The following RSPO4 variants were observed in gnomAD, a reference collection of about 807,000 sequenced individuals.
RSPO4 encodes the protein R-spondin 4.
In RSPO4, 23 loss-of-function variants were observed where a neutral mutation model predicts 24.8. That is an observed-to-expected ratio of 0.93 (90% CI 0.67 to 1.31). RSPO4 has a LOEUF of 1.31. RSPO4 is among the 40% of genes most tolerant of loss of function. The pLI is 0.00. For missense variants in RSPO4, 333 were observed against 316.5 expected, an observed-to-expected ratio of 1.05 and a Z score of -0.39; for synonymous variants, 141 against 127.4, an observed-to-expected ratio of 1.11 and a Z score of -0.72.
At chr20:983,091 G>A (rs1984792382) in intron 1 of RSPO4, among the ~76,000 whole-genome samples, 1 of 152,250 alleles carries the variant, frequency 6.6e-6, no homozygotes, top group South Asian at 2.1e-4. Context: ...CCTAAGATGA[G>A]CCCGAGTGAG....
At chr20:990,301 G>A (rs1985055862) in intron 1 of RSPO4, among the ~76,000 whole-genome samples, 1 of 152,176 alleles carries the variant, frequency 6.6e-6, no homozygotes, top group South Asian at 2.1e-4. Flanking sequence ...GCCAAGTGAA[G>A]GCAGGAGGGG....
At chr20:972,163 C>T (rs1254518160) in intron 1 of RSPO4, among the ~76,000 whole-genome samples, 1 of 152,222 alleles carries the variant, frequency 6.6e-6, no homozygotes, top group Non-Finnish European at 1.5e-5. Flanking sequence ...TTCCCGGGCT[C>T]AAGCAATCCT....
At chr20:980,804 G>A (rs551774810) in intron 1 of RSPO4, among the ~76,000 whole-genome samples, 146 of 152,292 alleles carry the variant, frequency 9.6e-4, no homozygotes, top group African/African-American at 3.3e-3. Context: ...AAGAGGTGCT[G>A]TCGCCTCTCG....
chr20:978,099 G>T (rs1448918831), intron 1 of RSPO4, among the ~76,000 whole-genome samples: 1 of 152,186 alleles, frequency 6.6e-6, no homozygotes, highest in East Asian at 1.9e-4. Context: ...CAGGGCTAGA[G>T]GTCGCTAGCC....
intron 1 of RSPO4, among the ~76,000 whole-genome samples, chr20:983,567 T>C (rs895726537): frequency 2.0e-5 from 3 of 152,198 alleles, no homozygotes; most frequent in African/African-American, 7.2e-5. Flanking sequence ...ACAGTGCTAA[T>C]GGCTGCAAGG....
intron 4 of RSPO4, among the ~76,000 whole-genome samples, chr20:963,282 T>C (rs540189505): frequency 6.6e-6 from 1 of 152,330 alleles, no homozygotes; most frequent in East Asian, 1.9e-4. Flanking sequence ...TGCTGGGAGC[T>C]GAATTCTGTT....
intron 1 of RSPO4, among the ~76,000 whole-genome samples, chr20:985,198 T>C (rs1600097870): frequency 7.2e-5 from 5 of 69,560 alleles, no homozygotes; most frequent in Admixed American, 3.2e-4. Context: ...CATCTATCCA[T>C]CCCCATCCAT....
At chr20:962,786 T>A (rs1984045431) in intron 4 of RSPO4, among the ~76,000 whole-genome samples, 1 of 152,214 alleles carries the variant, frequency 6.6e-6, no homozygotes, top group Non-Finnish European at 1.5e-5. Flanking sequence ...TCCTTCATCA[T>A]GACTTTAGAT....
Position 1,002,135 on chromosome 20 carries a change from G to C in RSPO4, c.30C>G (p.Leu10=). MRAPLCLLL[L]VAHAVDMLAL... Reference sequence around the variant, plus strand: ...CGAGCATGTCCACGGCGTGGGCGACGAGCAGGAGCAGGCAGAGTGGCGCCC... The same window carrying C: ...CGAGCATGTCCACGGCGTGGGCGACCAGCAGGAGCAGGCAGAGTGGCGCCC... Residue 10 remains leucine, a synonymous_variant, in exon 1 of 5, where the codon CTC becomes CTG. Transcript: ENST00000217260. The surrounding 1 kb of genome is among the most constrained non-coding windows in gnomAD (Gnocchi z 4.6). 1 of 1,564,100 alleles carries C rather than the reference G, an allele frequency of 6.4e-7. No homozygotes were observed. The highest frequency in any genetic ancestry group is 8.7e-7 in the Non-Finnish European group (1 of 1,154,270).
chr20:988,287 G>A (rs1238030689), intron 1 of RSPO4, among the ~76,000 whole-genome samples: 8 of 152,290 alleles, frequency 5.3e-5, no homozygotes, highest in Admixed American at 3.9e-4. Flanking sequence ...GTTGCAAGCC[G>A]AGGAGTGTCT....
At chr20:1,001,942 G>A in intron 1 of RSPO4, 144 bp downstream of exon 1, 1 of 668,106 alleles carries the variant, frequency 1.5e-6, no homozygotes, top group Non-Finnish European at 2.6e-6. Flanking sequence ...CATCTTAAGT[G>A]AGGTTGAGAC....
intron 1 of RSPO4, among the ~76,000 whole-genome samples, chr20:999,945 T>C (rs1985410762): frequency 6.6e-6 from 1 of 152,114 alleles, no homozygotes. Context: ...CTCGGCTCAC[T>C]GCAACCTCTG....
At position 970,315 on chromosome 20, in the gene RSPO4, C is replaced by T. The variant is rs1984367954; in HGVS notation, c.80-2177G>A. On this transcript the variant is annotated intron_variant, in intron 1 of 4. Coordinates refer to ENST00000217260, the MANE Select transcript of RSPO4 (RefSeq NM_001029871.4). The surrounding 1 kb of genome is among the most constrained non-coding windows in gnomAD (Gnocchi z 4.1). Reference sequence around the variant, plus strand: ...CCCTGCTCCAGCTCTCGGATGAGTACTGCTACTTCCCCAGTCCTCACCTTC... The same window carrying T: ...CCCTGCTCCAGCTCTCGGATGAGTATTGCTACTTCCCCAGTCCTCACCTTC... Among the ~76,000 whole-genome samples the T allele has an allele frequency of 6.6e-6, 1 of 152,118 alleles. No homozygotes were observed. Among genetic ancestry groups the T allele is most frequent in the Non-Finnish European group, 1.5e-5 (1 of 68,026 alleles).
intron 1 of RSPO4, among the ~76,000 whole-genome samples, chr20:1,001,041 CTGGAAA>C (rs747634016): frequency 6.6e-6 from 1 of 152,212 alleles, no homozygotes; most frequent in Non-Finnish European, 1.5e-5. Context: ...GATGCCAGGG[CTGGAAA>C]GAGAGAAGAC....
intron 1 of RSPO4, among the ~76,000 whole-genome samples, chr20:988,170 G>A (rs1421625338): frequency 5.9e-5 from 9 of 152,224 alleles, no homozygotes; most frequent in Admixed American, 5.9e-4. Flanking sequence ...TGAGGGGAGA[G>A]TGGTGGGTGG....
chr20:972,323 C>T (rs1481005177), intron 1 of RSPO4, among the ~76,000 whole-genome samples: 3 of 152,226 alleles, frequency 2.0e-5, no homozygotes, highest in Admixed American at 2.0e-4. Flanking sequence ...GTCTCAGACT[C>T]CCAAAGTGCT....
At chr20:985,173 A>C (rs1984874896) in intron 1 of RSPO4, among the ~76,000 whole-genome samples, 1 of 132,738 alleles carries the variant, frequency 7.5e-6, no homozygotes, top group African/African-American at 2.9e-5. Context: ...CCACCCACCT[A>C]CCCATCTGCC....
At chr20:983,292 G>GT (rs1228633017) in intron 1 of RSPO4, among the ~76,000 whole-genome samples, 203 of 152,328 alleles carry the variant, frequency 1.3e-3, no homozygotes, top group African/African-American at 4.8e-3. Flanking sequence ...TGGGAATGCA[G>GT]TTTCCTATCG....
intron 1 of RSPO4, among the ~76,000 whole-genome samples, chr20:973,922 T>C (rs1211797954): frequency 1.3e-5 from 2 of 152,188 alleles, no homozygotes; most frequent in Non-Finnish European, 2.9e-5. Context: ...TATGTTGTAA[T>C]GGCACCTCTT....
Sources: allele counts gnomAD v4.1 joint callset (sites outside exome capture counted in the v4.1 genomes callset), GRCh38; gene constraint gnomAD v4.1.1; non-coding constraint Gnocchi (gnomAD v3.1); transcripts MANE v1.5; gene names NCBI Gene and HGNC (gene_info 2026-07-23, HGNC 2026-07-21).